WWTR1: variants seen among roughly 807,000 people sequenced by gnomAD.
The protein encoded by WWTR1 is WW domain-containing transcription regulator protein 1.
Under a neutral mutation model 40.1 loss-of-function variants are expected in WWTR1, and 13 were observed. The observed-to-expected ratio is 0.32, with a 90% CI of 0.21 to 0.52. WWTR1 has a LOEUF of 0.52. WWTR1 is among the 20% of genes least tolerant of loss of function. The probability of loss-of-function intolerance (pLI) is 0.97; values close to 1 mark genes in which losing one functional copy is unlikely to be tolerated. For missense variants in WWTR1, 436 were observed against 523.1 expected (o/e 0.83, Z 1.63); for synonymous variants, 230 against 210.1 (o/e 1.09, Z -0.82).
intron 2 of WWTR1, among the ~76,000 whole-genome samples, chr3:149,645,467 G>A (rs1560101219): frequency 6.6e-6 from 1 of 152,138 alleles, no homozygotes; most frequent in Non-Finnish European, 1.5e-5. Context: ...CCACTGCTCA[G>A]CCCCTACTTT....
At chr3:149,557,061 C>CTTTTTTT (rs3044118) in intron 3 of WWTR1, among the ~76,000 whole-genome samples, 1,239 of 64,368 alleles carry the variant, frequency 0.019, 263 homozygotes, top group East Asian at 0.068. Flanking sequence ...CTGGAATCTT[C>CTTTTTTT]TTTTTTTTTT....
chr3:149,601,945 T>C (rs1362172045), intron 2 of WWTR1, among the ~76,000 whole-genome samples: 1 of 152,140 alleles, frequency 6.6e-6, no homozygotes, highest in Non-Finnish European at 1.5e-5. Context: ...ACATTATGCT[T>C]GAAGTTACAT....
At chr3:149,586,591 C>T (rs1042444241) in intron 2 of WWTR1, among the ~76,000 whole-genome samples, 1 of 152,166 alleles carries the variant, frequency 6.6e-6, no homozygotes, top group African/African-American at 2.4e-5. Context: ...CGGCTCCTGA[C>T]ACAGAGCTTC....
Position 149,680,735 on chromosome 3 carries a change from A to C in WWTR1, c.-107-10844T>G, listed in dbSNP as rs192520174. Reference sequence around the variant, plus strand: ...CATGCACCTGTAGTCCCAGCTACTCAGGAGGCTGGGGTAGGAGGATTGCTT... The same window carrying C: ...CATGCACCTGTAGTCCCAGCTACTCCGGAGGCTGGGGTAGGAGGATTGCTT... On this transcript the variant is annotated intron_variant, in intron 1 of 7. Transcript: ENST00000465804. Among the ~76,000 whole-genome samples the C allele has an allele frequency of 4.4e-3, 667 of 151,870 alleles. 5 individuals carry two copies. The highest frequency in any genetic ancestry group is 0.015 in the African/African-American group (641 of 41,432).
intron 2 of WWTR1, among the ~76,000 whole-genome samples, chr3:149,643,561 G>A (rs1298143955): frequency 6.6e-6 from 1 of 152,132 alleles, no homozygotes; most frequent in African/African-American, 2.4e-5. Flanking sequence ...CAAACGTGTG[G>A]TATACGGCAA....
intron 2 of WWTR1, among the ~76,000 whole-genome samples, chr3:149,664,473 C>A (rs1713720204): frequency 6.6e-6 from 1 of 152,068 alleles, no homozygotes; most frequent in Non-Finnish European, 1.5e-5. Flanking sequence ...TGCTGCCACT[C>A]ATTTTTGCAT....
At chr3:149,594,471 G>A (rs1396995632) in intron 2 of WWTR1, among the ~76,000 whole-genome samples, 1 of 152,086 alleles carries the variant, frequency 6.6e-6, no homozygotes, top group East Asian at 1.9e-4. Context: ...CTTCTATCCT[G>A]ATAAGATACA....
At chr3:149,617,607 C>G (rs1379329714) in intron 2 of WWTR1, among the ~76,000 whole-genome samples, 1 of 152,196 alleles carries the variant, frequency 6.6e-6, no homozygotes, top group Non-Finnish European at 1.5e-5. Context: ...CGAGACCAGT[C>G]TGGCCAACAT....
At chr3:149,688,709 AT>A (rs1355311041) in intron 1 of WWTR1, among the ~76,000 whole-genome samples, 1 of 152,210 alleles carries the variant, frequency 6.6e-6, no homozygotes, top group Non-Finnish European at 1.5e-5. Flanking sequence ...ATTAGAATAA[AT>A]ACCTAACTCC....
chr3:149,700,488 G>A (rs1715135560), intron 1 of WWTR1, among the ~76,000 whole-genome samples: 1 of 152,060 alleles, frequency 6.6e-6, no homozygotes, highest in Non-Finnish European at 1.5e-5. Context: ...TAGCTACTAA[G>A]CTCAATTTCA....
At chr3:149,533,787 G>A (rs1191100323) in intron 4 of WWTR1, among the ~76,000 whole-genome samples, 1 of 152,192 alleles carries the variant, frequency 6.6e-6, no homozygotes, top group African/African-American at 2.4e-5. Context: ...TTATAAGACT[G>A]ATCTTGCTGG....
intron 3 of WWTR1, among the ~76,000 whole-genome samples, chr3:149,543,376 A>T (rs1418990382): frequency 6.6e-6 from 1 of 151,980 alleles, no homozygotes; most frequent in African/African-American, 2.4e-5. Flanking sequence ...AGGTCAGGAG[A>T]TCGAGACCAT....
intron 2 of WWTR1, among the ~76,000 whole-genome samples, chr3:149,627,234 A>T (rs1223175722): frequency 1.3e-5 from 2 of 152,192 alleles, no homozygotes; most frequent in Non-Finnish European, 2.9e-5. Flanking sequence ...AACCCTTCTT[A>T]GGGTAAACAT....
At chr3:149,703,317 T>A (rs1268750077), upstream of WWTR1, 1 of 152,228 alleles carries the variant, frequency 6.6e-6, no homozygotes, top group African/African-American at 2.4e-5. Context: ...GGAGCACACA[T>A]GTTGTTTACA....
chr3:149,544,745 G>A (rs528067808), intron 3 of WWTR1, among the ~76,000 whole-genome samples: 1 of 152,292 alleles, frequency 6.6e-6, no homozygotes, highest in East Asian at 1.9e-4. Context: ...GAGCAACCCT[G>A]TAAAGACAAT....
chr3:149,675,250 T>C (rs1469949375), intron 1 of WWTR1, among the ~76,000 whole-genome samples: 3 of 152,238 alleles, frequency 2.0e-5, no homozygotes, highest in Non-Finnish European at 2.9e-5. Context: ...CAGTGACTGA[T>C]TGTTTTTAAA....
chr3:149,572,169 G>T (rs930141277), intron 3 of WWTR1, among the ~76,000 whole-genome samples: 3 of 152,140 alleles, frequency 2.0e-5, no homozygotes, highest in African/African-American at 4.8e-5. Flanking sequence ...AAGACTTTCG[G>T]AAAGTTTCTT....
At chr3:149,673,229 A>C (rs1346064056) in intron 1 of WWTR1, among the ~76,000 whole-genome samples, 9 of 152,316 alleles carry the variant, frequency 5.9e-5, no homozygotes, top group African/African-American at 2.2e-4. Flanking sequence ...AAAAAAATAA[A>C]AATTAAAAAT....
chr3:149,613,485 A>G (rs17787978), intron 2 of WWTR1, among the ~76,000 whole-genome samples: 8,406 of 152,224 alleles, frequency 0.055, 342 homozygotes, highest in Non-Finnish European at 0.081. Context: ...ACTCATCTCA[A>G]TACAGCCAAT....
Sources: gnomAD v4.1 joint callset for allele counts (sites outside exome capture counted in the v4.1 genomes callset) on GRCh38, gnomAD v4.1.1 for gene constraint, MANE v1.5 for transcripts, NCBI Gene and HGNC (gene_info 2026-07-23, HGNC 2026-07-21) for gene names.